The following NBDY variants were observed in gnomAD, a reference collection of about 807,000 sequenced individuals.
NBDY encodes the protein negative regulator of P-body association.
At chrX:56,760,838 G>T (rs1171103173) in intron 2 of NBDY, among the ~76,000 whole-genome samples, 1 of 111,912 alleles carries the variant, frequency 8.9e-6, no homozygotes, top group Non-Finnish European at 1.9e-5. Context: ...CTTTGTGCAG[G>T]GGGTCCCAAT....
intron 1 of NBDY, among the ~76,000 whole-genome samples, chrX:56,730,274 G>C (rs2146709321): frequency 9.3e-6 from 1 of 108,040 alleles, no homozygotes; most frequent in South Asian, 4.1e-4. Flanking sequence ...CTAGCACTTT[G>C]GGATGCCGAG....
At chrX:56,783,270 G>C (rs1209660040) in intron 2 of NBDY, among the ~76,000 whole-genome samples, 2 of 112,881 alleles carry the variant, frequency 1.8e-5, no homozygotes, top group African/African-American at 6.4e-5. Context: ...GCTTCCCCTG[G>C]CAGTCTCCAG....
chrX:56,755,726 A>C (rs1402147527), intron 2 of NBDY, among the ~76,000 whole-genome samples: 1 of 110,194 alleles, frequency 9.1e-6, no homozygotes, highest in African/African-American at 3.3e-5. Flanking sequence ...TGTGGAAGTC[A>C]GTGTGGTGAT....
chrX:56,761,376 G>A (rs1042931931), intron 2 of NBDY, among the ~76,000 whole-genome samples: 11 of 112,813 alleles, frequency 9.8e-5, no homozygotes, highest in East Asian at 5.6e-4. Flanking sequence ...CGGAGGGTGC[G>A]GGATGTGTTG....
intron 2 of NBDY, among the ~76,000 whole-genome samples, chrX:56,750,770 T>A (rs772845021): frequency 1.1e-4 from 12 of 111,927 alleles, no homozygotes; most frequent in African/African-American, 3.9e-4. Flanking sequence ...AAATATTCCA[T>A]GATTTTTTCT....
intron 2 of NBDY, among the ~76,000 whole-genome samples, chrX:56,753,643 CA>C (rs958823779): frequency 2.7e-5 from 3 of 109,285 alleles, no homozygotes; most frequent in African/African-American, 1.0e-4. Context: ...ACTGAATTGA[CA>C]AAAAAAAGTA....
intron 2 of NBDY, among the ~76,000 whole-genome samples, chrX:56,750,102 T>C (rs766317438): frequency 2.0e-3 from 225 of 111,999 alleles, no homozygotes; most frequent in African/African-American, 7.1e-3. Flanking sequence ...TGGAAACCAT[T>C]GGCACAGGAG....
At chrX:56,816,089 T>C (rs1020534406) in intron 2 of NBDY, among the ~76,000 whole-genome samples, 3 of 111,496 alleles carry the variant, frequency 2.7e-5, no homozygotes, top group African/African-American at 9.7e-5. Context: ...ATATACAATG[T>C]GGTTCCATTT....
chrX:56,813,407 G>A (rs958192253), intron 2 of NBDY, among the ~76,000 whole-genome samples: 3 of 110,737 alleles, frequency 2.7e-5, no homozygotes, highest in Non-Finnish European at 5.7e-5. Flanking sequence ...GTGTGTACAG[G>A]CAGGCTGTCT....
intron 2 of NBDY, among the ~76,000 whole-genome samples, chrX:56,761,108 G>A (rs2069635359): frequency 8.9e-6 from 1 of 112,428 alleles, no homozygotes; most frequent in Non-Finnish European, 1.9e-5. Context: ...GACTCTGATT[G>A]TCAGAGGTCT....
At chrX:56,797,457 T>C (rs2069799232) in intron 2 of NBDY, among the ~76,000 whole-genome samples, 1 of 110,093 alleles carries the variant, frequency 9.1e-6, no homozygotes, top group Non-Finnish European at 1.9e-5. Context: ...CAAGAAATGC[T>C]TCACTTTTCT....
chrX:56,767,391 G>A (rs757557312), intron 2 of NBDY, among the ~76,000 whole-genome samples: 8 of 113,329 alleles, frequency 7.1e-5, no homozygotes, highest in East Asian at 2.8e-4. Flanking sequence ...CACTCTGGCC[G>A]CCCTTGAGGA....
intron 2 of NBDY, among the ~76,000 whole-genome samples, chrX:56,759,299 T>C (rs1015137037): frequency 1.8e-5 from 2 of 111,806 alleles, no homozygotes; most frequent in African/African-American, 6.5e-5. Flanking sequence ...CCAGTGGCCA[T>C]GATTATGTGT....
At chrX:56,789,809 G>C (rs1046834969) in intron 2 of NBDY, among the ~76,000 whole-genome samples, 1 of 111,656 alleles carries the variant, frequency 9.0e-6, no homozygotes, top group African/African-American at 3.3e-5. Flanking sequence ...CTGGAACGTG[G>C]TGGTTCACCA....
intron 2 of NBDY, among the ~76,000 whole-genome samples, chrX:56,814,766 T>G (rs765219219): frequency 2.8e-4 from 31 of 111,269 alleles, no homozygotes; most frequent in African/African-American, 9.8e-4. Context: ...GTGCTGGGAT[T>G]ACAGACCTGA....
chrX:56,743,737 C>T (rs2069543291), intron 2 of NBDY, among the ~76,000 whole-genome samples: 1 of 110,561 alleles, frequency 9.0e-6, no homozygotes, highest in Admixed American at 9.6e-5. Context: ...CTTTTTATTT[C>T]ATTTACTTAT....
intron 2 of NBDY, among the ~76,000 whole-genome samples, chrX:56,742,471 A>G (rs1423761189): frequency 9.0e-6 from 1 of 111,402 alleles, no homozygotes; most frequent in Non-Finnish European, 1.9e-5. Flanking sequence ...AACATGGACT[A>G]TCTTTCCATT....
intron 2 of NBDY, among the ~76,000 whole-genome samples, chrX:56,740,756 A>C (rs1393543001): frequency 9.0e-6 from 1 of 110,886 alleles, no homozygotes; most frequent in African/African-American, 3.3e-5. Context: ...GGTACCTAGT[A>C]GTTGTATACA....
intron 2 of NBDY, among the ~76,000 whole-genome samples, chrX:56,756,103 G>A (rs2069609588): frequency 1.1e-5 from 1 of 94,045 alleles, no homozygotes. Context: ...AGAACACATG[G>A]ACACAGGAAG....
Sources: allele counts gnomAD v4.1 joint callset (sites outside exome capture counted in the v4.1 genomes callset), GRCh38; gene constraint gnomAD v4.1.1; transcripts MANE v1.5; gene names NCBI Gene and HGNC (gene_info 2026-07-23, HGNC 2026-07-21).